Variants in SORCS2 observed in about 807,000 individuals in gnomAD.
The protein encoded by SORCS2 is VPS10 domain-containing receptor SorCS2.
SORCS2 carries 100 observed loss-of-function variants against 141.6 expected under a neutral mutation model. The observed-to-expected ratio is 0.71, with a 90% CI of 0.60 to 0.83. The LOEUF (loss-of-function observed/expected upper bound fraction) is 0.83. SORCS2 is among the 40% of genes least tolerant of loss of function. The probability of loss-of-function intolerance (pLI) is 0.00; values close to 1 mark genes in which losing one functional copy is unlikely to be tolerated. For missense variants in SORCS2, 1,646 were observed against 1,560.2 expected (o/e 1.05, Z -0.93); for synonymous variants, 789 against 676.9 (o/e 1.17, Z -2.57).
chr4:7,193,217 C>A lies in SORCS2; in HGVS notation c.480+91C>A. On this transcript the variant is annotated intron_variant, in intron 1 of 26. Transcript: ENST00000507866. The surrounding 1 kb of genome is among the most constrained non-coding windows in gnomAD (Gnocchi z 4.8). ...CGCCACGGCCCCCACCCCAGATCCC[C>A]ACTATGGTCATCAGGGGCGGGTTCT... 7.6e-7 allele frequency: 1 copy of A among 1,308,834 alleles called. No homozygotes were observed. The highest frequency in any genetic ancestry group is 2.1e-5 in the South Asian group (1 of 47,148). The allele number at this position is 1,308,834 out of a possible 1,614,324, so 81.1% of individuals were successfully genotyped here.
At chr4:7,579,807 C>T (rs973484942) in intron 3 of SORCS2, among the ~76,000 whole-genome samples, 4 of 152,102 alleles carry the variant, frequency 2.6e-5, no homozygotes, top group Non-Finnish European at 4.4e-5. Flanking sequence ...GCTCCTAGCA[C>T]GTCAAGACAC....
chr4:7,608,666 C>T (rs994819053), intron 3 of SORCS2, among the ~76,000 whole-genome samples: 3 of 152,230 alleles, frequency 2.0e-5, no homozygotes, highest in South Asian at 2.1e-4. Flanking sequence ...TGCCCACTGG[C>T]AGCCCCAGTC....
chr4:7,416,956 A>C (rs977062864), intron 2 of SORCS2, among the ~76,000 whole-genome samples: 2 of 152,112 alleles, frequency 1.3e-5, no homozygotes, highest in Non-Finnish European at 2.9e-5. Context: ...TCGCACACAC[A>C]CACCCACACA....
chr4:7,501,976 G>A (rs7675750), intron 2 of SORCS2, among the ~76,000 whole-genome samples: 87,158 of 152,124 alleles, frequency 0.57, 26,375 homozygotes, highest in East Asian at 0.95. Context: ...GCGCACTCCC[G>A]GCTTCTGTGG....
At chr4:7,342,460 G>A (rs1469638937) in intron 1 of SORCS2, among the ~76,000 whole-genome samples, 1 of 152,164 alleles carries the variant, frequency 6.6e-6, no homozygotes, top group Non-Finnish European at 1.5e-5. Flanking sequence ...TGGTGAATCC[G>A]AGGGGGAAGC....
intron 1 of SORCS2, among the ~76,000 whole-genome samples, chr4:7,308,557 G>C (rs1445657942): frequency 4.6e-5 from 7 of 152,102 alleles, no homozygotes; most frequent in Admixed American, 1.3e-4. Flanking sequence ...TGGTGGGTTT[G>C]GTAACTTGAA....
At chr4:7,332,965 C>T (rs1432541944) in intron 1 of SORCS2, among the ~76,000 whole-genome samples, 4 of 149,816 alleles carry the variant, frequency 2.7e-5, no homozygotes, top group Non-Finnish European at 4.5e-5. Flanking sequence ...ATTTACCCAG[C>T]GGAGTTTTGA....
chr4:7,543,826 A>G (rs1376047600), intron 3 of SORCS2, among the ~76,000 whole-genome samples: 1 of 98,544 alleles, frequency 1.0e-5, no homozygotes, highest in African/African-American at 3.8e-5. Flanking sequence ...CCATCTACCC[A>G]TCTGTCCATC....
intron 2 of SORCS2, among the ~76,000 whole-genome samples, chr4:7,513,789 T>C (rs1306694674): frequency 4.6e-5 from 7 of 152,332 alleles, no homozygotes; most frequent in South Asian, 2.1e-4. Context: ...CTTAAAGGCA[T>C]CTTGTCATTA....
At chr4:7,540,574 G>C (rs1186162351) in intron 3 of SORCS2, among the ~76,000 whole-genome samples, 2 of 152,304 alleles carry the variant, frequency 1.3e-5, no homozygotes, top group East Asian at 3.9e-4. Flanking sequence ...AGGCTGCATG[G>C]TCCCATGGTG....
intron 2 of SORCS2, among the ~76,000 whole-genome samples, chr4:7,511,323 C>A (rs1218440385): frequency 1.4e-5 from 2 of 141,810 alleles, no homozygotes; most frequent in Admixed American, 1.5e-4. Context: ...GAGACACACA[C>A]AAATACACAA....
At chr4:7,591,823 G>A (rs950428749) in intron 3 of SORCS2, among the ~76,000 whole-genome samples, 7 of 152,178 alleles carry the variant, frequency 4.6e-5, no homozygotes, top group Non-Finnish European at 8.8e-5. Context: ...CGCACGGATG[G>A]ATGGGTTTCC....
intron 1 of SORCS2, among the ~76,000 whole-genome samples, chr4:7,253,273 C>T (rs555854475): frequency 2.0e-5 from 3 of 152,234 alleles, no homozygotes; most frequent in South Asian, 2.1e-4. Flanking sequence ...TGAGCCTCGC[C>T]GGGGAGGAGA....
chr4:7,209,855 G>A (rs1404327433), intron 1 of SORCS2, among the ~76,000 whole-genome samples: 1 of 152,230 alleles, frequency 6.6e-6, no homozygotes, highest in East Asian at 1.9e-4. Flanking sequence ...GCCCCAGAGA[G>A]CATTTTGGGA....
chr4:7,695,925 TTGGTG>T lies in SORCS2; in HGVS notation c.1592-1272_1592-1268del, dbSNP rs1577085176. On this transcript the variant is annotated intron_variant, in intron 11 of 26. Transcript: ENST00000507866. ...ATGGATGGATGGATGGATGGATGGA[TTGGTG>T]GGTGGGTGGGTGGATGGATGGATGG... Among the ~76,000 whole-genome samples the T allele has an allele frequency of 1.6e-4, 11 of 70,234 alleles. No individual in the cohort carries two copies. The East Asian group carries it at 2.1e-3, about 13-fold the overall frequency. The allele number at this position is 70,234 out of a possible 152,430, so 46.1% of individuals were successfully genotyped here. A position where few individuals can be genotyped will look rare whatever the true frequency, so the allele number is the denominator to read the frequency against.
Position 7,739,473 on chromosome 4 carries a change from C to T in SORCS2, c.3416-727C>T, listed in dbSNP as rs572492877. Among the ~76,000 whole-genome samples the T allele has an allele frequency of 1.6e-4, 24 of 152,342 alleles. No homozygotes were observed. In the South Asian group the frequency reaches 4.3e-3, roughly 28 times the overall value. ...TCCTAGTGGGGTAGTAAGATTCATG[C>T]AGCCAAGCCCTTGGTCCACGCCAGC... On this transcript the variant is annotated intron_variant, in intron 26 of 26. Transcript: ENST00000507866.
chr4:7,661,077 G>A (rs1284810737), intron 5 of SORCS2, among the ~76,000 whole-genome samples: 1 of 152,206 alleles, frequency 6.6e-6, no homozygotes, highest in Non-Finnish European at 1.5e-5. Flanking sequence ...TAGGATGGGA[G>A]TCCCAGGCCT....
At chr4:7,600,013 G>A (rs1021318511) in intron 3 of SORCS2, among the ~76,000 whole-genome samples, 23 of 151,756 alleles carry the variant, frequency 1.5e-4, no homozygotes, top group African/African-American at 5.6e-4. Context: ...GTAGAGACAG[G>A]GTTTCATCAT....
At chr4:7,700,904 A>C (rs1446389824) in intron 12 of SORCS2, among the ~76,000 whole-genome samples, 1 of 152,206 alleles carries the variant, frequency 6.6e-6, no homozygotes, top group Non-Finnish European at 1.5e-5. Flanking sequence ...GGTGTCTGGC[A>C]GTCACCAGCT....
Sources: gnomAD v4.1 joint callset for allele counts (sites outside exome capture counted in the v4.1 genomes callset) on GRCh38, gnomAD v4.1.1 for gene constraint, Gnocchi (gnomAD v3.1) non-coding constraint, MANE v1.5 for transcripts, NCBI Gene and HGNC (gene_info 2026-07-23, HGNC 2026-07-21) for gene names.